BCOR: variants seen among roughly 807,000 people sequenced by gnomAD.
BCOR encodes BCL-6 corepressor.
Under a neutral mutation model 86.7 loss-of-function variants are expected in BCOR, and 10 were observed. The observed-to-expected ratio is 0.12, with a 90% CI of 0.07 to 0.20. The LOEUF (loss-of-function observed/expected upper bound fraction) is 0.20, where lower values mean the gene tolerates loss of function less well. BCOR is among the 10% of genes least tolerant of loss of function. The pLI is 1.00. For missense variants in BCOR, 1,259 were observed against 1,452.1 expected, an observed-to-expected ratio of 0.87 and a Z score of 2.16; for synonymous variants, 611 against 609.0, an observed-to-expected ratio of 1.00 and a Z score of -0.05.
rs1347110821 is a variant in BCOR, at chrX:40,097,859, G to C, written c.-685C>G. 1.8e-5 allele frequency among the ~76,000 whole-genome samples: 2 copies of C among 108,827 alleles called. No homozygotes were observed. The highest frequency in any genetic ancestry group is 6.7e-5 in the African/African-American group (2 of 29,806). 94.5% of individuals were successfully genotyped at this position (108,827 alleles called of 115,157 possible). A position where few individuals can be genotyped will look rare whatever the true frequency, so the allele number is the denominator to read the frequency against. On this transcript the variant is annotated 5_prime_UTR_variant, in exon 1 of 15. Transcript: ENST00000378444. ...TAGCTCCCGCTCTCGGTCGCGGTCT[G>C]GGCTCCTGCGCGTCTCCCCCGCAGC...
At position 40,057,318 on chromosome X, in the gene BCOR, C is replaced by T. The variant is rs777585092; in HGVS notation, c.4432G>A (p.Val1478Met). 1 of 1,207,712 alleles carries T rather than the reference C, an allele frequency of 8.3e-7. No homozygotes were observed. Among genetic ancestry groups the T allele is most frequent in the African/African-American group, 1.7e-5 (1 of 57,344 alleles). The change falls in exon 11 of 15, where the codon GTG (valine) becomes ATG (methionine). Residue 1478 changes from valine (V) to methionine (M), a missense_variant. Physicochemically the swap from Val to Met is conservative, Grantham distance 21. This residue lies in a region of BCOR where 47 missense variants were observed against 102.1 expected (regional missense o/e 0.46). Coordinates refer to ENST00000378444, the MANE Select transcript of BCOR (RefSeq NM_001123385.2). ...QRAARLGYEEVVLYCLENKIC... is the reference protein window; with the variant it reads ...QRAARLGYEEMVLYCLENKIC... The stretch of plus-strand genomic sequence containing the variant: ...TTGTTCTCTAAGCAGTACAGGACCA[C>T]TTCCTGTGGGGAGGGGAGGGAAGAA...
chrX:40,117,360 G>A (rs141442476), intron 1 of BCOR, among the ~76,000 whole-genome samples: 2 of 111,474 alleles, frequency 1.8e-5, no homozygotes, highest in East Asian at 5.6e-4. Flanking sequence ...GACCTAAGCC[G>A]TTAATTATTC....
intron 1 of BCOR, among the ~76,000 whole-genome samples, chrX:40,140,787 T>C (rs933535594): frequency 8.8e-6 from 1 of 113,351 alleles, no homozygotes; most frequent in South Asian, 3.5e-4. Context: ...CCTATTCGTA[T>C]GTGTGGGTAA....
rs771655470 is a variant in BCOR, at chrX:40,062,181, A to G, written c.4386T>C (p.Ala1462=). Residue 1462 remains alanine, a synonymous_variant, in exon 10 of 15, where the codon GCT becomes GCC. Transcript: ENST00000378444. The part of the protein sequence containing the change: ...EARRLIVNKN[A]GETLLQRAAR... ...CTGCCCGCTGCAGAAGGGTCTCGCCAGCGTTCTTATTGACAATAAGTCTCC... is the reference window on the plus strand; with the variant it reads ...CTGCCCGCTGCAGAAGGGTCTCGCCGGCGTTCTTATTGACAATAAGTCTCC... The G allele has an allele frequency of 8.3e-7, 1 of 1,206,466 alleles. No individual in the cohort carries two copies. Among genetic ancestry groups the G allele is most frequent in the South Asian group, 1.8e-5 (1 of 55,858 alleles).
chrX:40,075,307 T>G, intron 3 of BCOR, 127 bp from the exon 4 acceptor site: 8 of 288,642 alleles, frequency 2.8e-5, no homozygotes, highest in Admixed American at 4.6e-5. Flanking sequence ...AAAGACAGGC[T>G]TCCGGCGGGG....
At chrX:40,145,423 A>T (rs373070028) in intron 1 of BCOR, among the ~76,000 whole-genome samples, 1 of 111,030 alleles carries the variant, frequency 9.0e-6, no homozygotes, top group African/African-American at 3.3e-5. Context: ...AGCCAAGCCG[A>T]GAAGGCTGAA....
chrX:40,173,126 A>G (rs1029930714), intron 1 of BCOR, among the ~76,000 whole-genome samples: 2 of 111,694 alleles, frequency 1.8e-5, no homozygotes, highest in African/African-American at 6.5e-5. Flanking sequence ...GTCCTCTCGA[A>G]ACAACCCCCA....
intron 1 of BCOR, among the ~76,000 whole-genome samples, chrX:40,120,521 AC>A (rs1179613323): frequency 1.8e-5 from 2 of 111,548 alleles, no homozygotes; most frequent in Non-Finnish European, 3.8e-5. Context: ...AGCGCCCTGC[AC>A]TGCCTAGCAC....
chrX:40,096,080 G>A (rs1019521159), intron 1 of BCOR, among the ~76,000 whole-genome samples: 11 of 112,563 alleles, frequency 9.8e-5, no homozygotes, highest in African/African-American at 3.5e-4. Context: ...GCCGCCCGCC[G>A]GCTCCGAGCG....
At chrX:40,168,135 C>T (rs1051495445) in intron 1 of BCOR, among the ~76,000 whole-genome samples, 1 of 113,087 alleles carries the variant, frequency 8.8e-6, no homozygotes, top group Non-Finnish European at 1.9e-5. Context: ...GCGGCAGCCG[C>T]GTCCTTCCTC....
At chrX:40,165,651 A>G (rs1471673821) in intron 1 of BCOR, among the ~76,000 whole-genome samples, 1 of 112,485 alleles carries the variant, frequency 8.9e-6, no homozygotes, top group Non-Finnish European at 1.9e-5. Context: ...TTCTGATCCA[A>G]ATCCCAGGCC....
chrX:40,104,985 C>T (rs1937145330), intron 1 of BCOR, among the ~76,000 whole-genome samples: 1 of 110,838 alleles, frequency 9.0e-6, no homozygotes, highest in Non-Finnish European at 1.9e-5. Flanking sequence ...CCGCGGAGCC[C>T]GGCCAGGCTC....
At chrX:40,135,482 C>T (rs983352624) in intron 1 of BCOR, among the ~76,000 whole-genome samples, 1 of 110,383 alleles carries the variant, frequency 9.1e-6, no homozygotes, top group Non-Finnish European at 1.9e-5. Context: ...CCTCCACTCC[C>T]GGATTCAAGT....
chrX:40,058,751 G>A (rs1033416512), intron 10 of BCOR, among the ~76,000 whole-genome samples: 2 of 111,622 alleles, frequency 1.8e-5, no homozygotes, highest in African/African-American at 3.3e-5. Context: ...CCACAGATGC[G>A]TCTCTTCCTT....
chrX:40,153,316 C>T, intron 1 of BCOR, among the ~76,000 whole-genome samples: 1 of 112,808 alleles, frequency 8.9e-6, no homozygotes, highest in South Asian at 3.6e-4. Flanking sequence ...CACCCCCACC[C>T]TCGCCCAAGG....
intron 1 of BCOR, among the ~76,000 whole-genome samples, chrX:40,129,688 G>A (rs1937583078): frequency 9.5e-6 from 1 of 105,803 alleles, no homozygotes; most frequent in South Asian, 4.1e-4. Flanking sequence ...TTGGGGTATG[G>A]GCGAAAGCTG....
At chrX:40,153,707 C>A (rs1428262174) in intron 1 of BCOR, among the ~76,000 whole-genome samples, 1 of 112,102 alleles carries the variant, frequency 8.9e-6, no homozygotes, top group South Asian at 3.7e-4. Flanking sequence ...GGAAGCACGC[C>A]GCTAGTGTGC....
chrX:40,070,243 C>T (rs908925651), intron 6 of BCOR, among the ~76,000 whole-genome samples: 2 of 111,930 alleles, frequency 1.8e-5, no homozygotes, highest in Non-Finnish European at 3.8e-5. Context: ...ATGTTGCAAG[C>T]AGACCTAAAG....
At chrX:40,098,386 C>T (rs929367446), upstream of BCOR, among the ~76,000 whole-genome samples, 1 of 110,089 alleles carries the variant, frequency 9.1e-6, no homozygotes, top group Non-Finnish European at 1.9e-5. Context: ...CACGCCCGAC[C>T]CGGGCGCACG....
Sources: allele counts gnomAD v4.1 joint callset (sites outside exome capture counted in the v4.1 genomes callset), GRCh38; gene constraint gnomAD v4.1.1; regional missense constraint gnomAD v4.1.1; transcripts MANE v1.5; gene names NCBI Gene and HGNC (gene_info 2026-07-23, HGNC 2026-07-21).